Variants in COG6 observed in about 807,000 individuals in gnomAD.
COG6 encodes component of oligomeric golgi complex 6.
COG6 carries 74 observed loss-of-function variants against 88.8 expected under a neutral mutation model. The ratio of observed to expected loss-of-function variants is 0.83; its 90% CI spans 0.69 to 1.01. The LOEUF (loss-of-function observed/expected upper bound fraction) is 1.01, where lower values mean the gene tolerates loss of function less well. Ranked by LOEUF, COG6 falls within the 50% of genes least tolerant of loss-of-function variation. The pLI, the probability that COG6 is intolerant of heterozygous loss-of-function variation, is 0.00. For missense variants in COG6, 800 were observed against 797.9 expected, an observed-to-expected ratio of 1.00 and a Z score of -0.03; for synonymous variants, 286 against 278.7, an observed-to-expected ratio of 1.03 and a Z score of -0.26.
intron 8 of COG6, among the ~76,000 whole-genome samples, chr13:39,684,324 C>A (rs1205631221): frequency 7.7e-6 from 1 of 130,158 alleles, no homozygotes; most frequent in African/African-American, 2.9e-5. Context: ...TCTCGGCTCA[C>A]TGCAGGCTCC....
At chr13:39,684,243 ATTTTTTTTTTTTT>A (rs1203671335) in intron 8 of COG6, among the ~76,000 whole-genome samples, 2 of 67,382 alleles carry the variant, frequency 3.0e-5, no homozygotes, top group Non-Finnish European at 5.1e-5. Flanking sequence ...AATTTGGAAG[ATTTTTTTTTTTTT>A]TTTTTTTTTT....
chr13:39,687,671 C>G, intron 9 of COG6, 37 bp from the exon 10 acceptor site: 1 of 1,613,776 alleles, frequency 6.2e-7, no homozygotes. Context: ...TGATGTTTTT[C>G]CAAAGGAAAT....
At chr13:39,732,529 A>G (rs768141201) in intron 18 of COG6, among the ~76,000 whole-genome samples, 4 of 152,238 alleles carry the variant, frequency 2.6e-5, no homozygotes, top group Non-Finnish European at 5.9e-5. Context: ...ATGTTCAAGA[A>G]TTTAAAGGAA....
rs1876720386 is a variant in COG6 at position 39,687,503 on chromosome 13, A to G, written c.789A>G (p.Lys263=). Residue 263 remains lysine, a splice_region_variant and synonymous_variant, in exon 9 of 19, where the codon AAA becomes AAG. Transcript: ENST00000455146. ...TTTTTATATAACTTGTTTCTTCTAGATATACCTTAGATGAATTTGGAACAG... is the reference window on the plus strand; with the variant it reads ...TTTTTATATAACTTGTTTCTTCTAGGTATACCTTAGATGAATTTGGAACAG... The part of the protein sequence containing the change: ...EALQDRPVLY[K]YTLDEFGTAR... 4.3e-6 allele frequency: 7 copies of G among 1,612,156 alleles called. No individual in the cohort carries two copies. The East Asian group carries it at 1.3e-4, about 31-fold the overall frequency.
At position 39,706,832 on chromosome 13, in the gene COG6, C is replaced by T. The variant is rs553076673; in HGVS notation, c.1284+7214C>T. On this transcript the variant is annotated intron_variant, in intron 13 of 18. Transcript: ENST00000455146. ...CCGAGTAGCTGGGGTTACAGGCATC[C>T]GCCACCATCTCCAACTAATTTTTGT... is the stretch of plus-strand genomic sequence containing the variant. 2.7e-3 allele frequency among the ~76,000 whole-genome samples: 409 copies of T among 151,834 alleles called. 4 individuals carry two copies. Among genetic ancestry groups the T allele is most frequent in the Non-Finnish European group, 2.7e-3 (181 of 67,930 alleles).
chr13:39,750,799 G>A (rs989854354), intron 18 of COG6, 147 bp from the exon 19 acceptor site: 1 of 636,642 alleles, frequency 1.6e-6, no homozygotes, highest in African/African-American at 1.8e-5. Flanking sequence ...AGGATTAACT[G>A]TGTAGCCATA....
intron 18 of COG6, among the ~76,000 whole-genome samples, chr13:39,773,592 G>T (rs1348304402): frequency 1.3e-5 from 2 of 152,176 alleles, no homozygotes; most frequent in Non-Finnish European, 2.9e-5. Context: ...CTATCACTTA[G>T]GAGTTACTCT....
chr13:39,656,705 AC>A (rs1874532486), intron 1 of COG6: 1 of 371,348 alleles, frequency 2.7e-6, no homozygotes, highest in African/African-American at 2.1e-5. Context: ...TAAAAAAATA[AC>A]ATTGCAATGT....
At chr13:39,666,783 T>TA (rs1875298800) in intron 4 of COG6, among the ~76,000 whole-genome samples, 1 of 152,214 alleles carries the variant, frequency 6.6e-6, no homozygotes, top group African/African-American at 2.4e-5. Context: ...CAATGTAACT[T>TA]ACTTTTCTGT....
chr13:39,730,137 T>C (rs532418340), intron 18 of COG6, among the ~76,000 whole-genome samples: 1 of 152,262 alleles, frequency 6.6e-6, no homozygotes, highest in Non-Finnish European at 1.5e-5. Context: ...TTTTTAAATG[T>C]GAATTTTTAA....
At chr13:39,690,383 T>C (rs1876914157) in intron 11 of COG6, among the ~76,000 whole-genome samples, 2 of 152,046 alleles carry the variant, frequency 1.3e-5, no homozygotes, top group Non-Finnish European at 2.9e-5. Flanking sequence ...AATTATGCTC[T>C]GGTGGGACCT....
intron 8 of COG6, 28 bp from the exon 9 acceptor site, chr13:39,687,475 C>T: frequency 1.2e-6 from 2 of 1,606,212 alleles, no homozygotes; most frequent in African/African-American, 2.7e-5. Flanking sequence ...CAACCCCAAC[C>T]ATTTTTTATA....
chr13:39,663,542 T>C (rs1236131297), intron 3 of COG6, among the ~76,000 whole-genome samples: 1 of 152,198 alleles, frequency 6.6e-6, no homozygotes, highest in East Asian at 1.9e-4. Flanking sequence ...AAGAACTTAT[T>C]GGCAGTCTAA....
chr13:39,692,057 G>C (rs1877008035), intron 11 of COG6, among the ~76,000 whole-genome samples: 1 of 151,860 alleles, frequency 6.6e-6, no homozygotes, highest in African/African-American at 2.4e-5. Flanking sequence ...TCTTTTCTTT[G>C]TCTTAGTAAA....
rs370704123 is a variant in COG6 at position 39,723,424 on chromosome 13, A to T, written c.1676A>T (p.Gln559Leu). Reference protein sequence around the residue: ...GLSYIYNTVQQHKPEQGSLAN... With the variant: ...GLSYIYNTVQLHKPEQGSLAN... ...AGTTACATCTATAACACTGTACAGCAACATAAACCTGAACAGGTAAGTGCA... is the reference window on the plus strand; with the variant it reads ...AGTTACATCTATAACACTGTACAGCTACATAAACCTGAACAGGTAAGTGCA... Residue 559 changes from glutamine to leucine, a missense_variant, in exon 16 of 19, where the codon CAA becomes CTA. Gln to Leu is a moderately radical substitution (Grantham distance 113, BLOSUM62 -2). Coordinates refer to ENST00000455146, the MANE Select transcript of COG6 (RefSeq NM_020751.3). 1 of 1,590,972 alleles carries T rather than the reference A, an allele frequency of 6.3e-7. No individual in the cohort carries two copies. Among genetic ancestry groups the T allele is most frequent in the Non-Finnish European group, 8.6e-7 (1 of 1,159,260 alleles).
chr13:39,787,488 T>C (rs949927965), intron 18 of COG6, among the ~76,000 whole-genome samples: 4 of 152,172 alleles, frequency 2.6e-5, no homozygotes, highest in African/African-American at 7.2e-5. Context: ...TAATCTTGCC[T>C]GGCTGCATAG....
At chr13:39,672,198 T>C (rs1218914965) in intron 4 of COG6, among the ~76,000 whole-genome samples, 2 of 152,032 alleles carry the variant, frequency 1.3e-5, no homozygotes, top group Non-Finnish European at 2.9e-5. Context: ...AGATGCCTTT[T>C]AAGCTGTATT....
intron 15 of COG6, among the ~76,000 whole-genome samples, chr13:39,722,704 C>A (rs74044152): frequency 0.027 from 4,046 of 151,966 alleles, 192 homozygotes; most frequent in African/African-American, 0.092. Context: ...GTTTTTATCT[C>A]CATTAGCATT....
At chr13:39,711,199 A>G (rs193248319) in intron 13 of COG6, among the ~76,000 whole-genome samples, 1 of 152,322 alleles carries the variant, frequency 6.6e-6, no homozygotes, top group East Asian at 1.9e-4. Flanking sequence ...CAATGTAGCA[A>G]AACATTTAGG....
Sources: allele counts gnomAD v4.1 joint callset (sites outside exome capture counted in the v4.1 genomes callset), GRCh38; gene constraint gnomAD v4.1.1; transcripts MANE v1.5; gene names NCBI Gene and HGNC (gene_info 2026-07-23, HGNC 2026-07-21).